The following MSANTD3 variants were observed in gnomAD, a reference collection of about 807,000 sequenced individuals.
MSANTD3 encodes myb/SANT-like DNA-binding domain-containing protein 3.
A neutral mutation model predicts 27.7 loss-of-function variants in MSANTD3; 11 were observed. That is an observed-to-expected ratio of 0.40 (90% CI 0.25 to 0.66). The LOEUF (loss-of-function observed/expected upper bound fraction) is 0.66, where lower values mean the gene tolerates loss of function less well. Among genes scored for constraint, MSANTD3 ranks in the 30% least tolerant of loss-of-function variants. The pLI is 0.41. For synonymous variants in MSANTD3, 131 were observed against 127.2 expected, an observed-to-expected ratio of 1.03 and a Z score of -0.20; for missense variants, 250 against 336.5, an observed-to-expected ratio of 0.74 and a Z score of 2.01.
chr9:100,429,251 G>A (rs1177977799), intron 1 of MSANTD3, among the ~76,000 whole-genome samples: 3 of 152,214 alleles, frequency 2.0e-5, no homozygotes, highest in African/African-American at 7.2e-5. Flanking sequence ...ACTTGGAAGA[G>A]CAATTGCTTT....
chr9:100,428,606 G>C (rs546706923), intron 1 of MSANTD3, among the ~76,000 whole-genome samples: 92 of 152,260 alleles, frequency 6.0e-4, no homozygotes, highest in African/African-American at 2.1e-3. Context: ...GCTGGGGCAG[G>C]GGGTGGGGAG....
intron 2 of MSANTD3, chr9:100,445,122 A>G (rs1836722752): frequency 8.4e-7 from 1 of 1,191,542 alleles, no homozygotes; most frequent in Non-Finnish European, 1.2e-6. Flanking sequence ...TACTCTTTCT[A>G]TACAGTAAAA....
chr9:100,436,234 T>G (rs1236102308), intron 1 of MSANTD3, among the ~76,000 whole-genome samples: 1 of 152,206 alleles, frequency 6.6e-6, no homozygotes, highest in African/African-American at 2.4e-5. Context: ...CTGTAGCCTC[T>G]AACTCCTTGG....
chr9:100,430,093 C>T lies in MSANTD3; in HGVS notation c.-34+2700C>T, dbSNP rs1268556091. On this transcript the variant is annotated intron_variant, in intron 1 of 2. Coordinates refer to ENST00000395067, the MANE Select transcript of MSANTD3 (RefSeq NM_080655.3). Reference sequence around the variant, plus strand: ...TGCCCTGCTAGTCTCTCCTCTCTCTCTCAAAAAAAAAAAAAAAAAAATCTA... The same window carrying T: ...TGCCCTGCTAGTCTCTCCTCTCTCTTTCAAAAAAAAAAAAAAAAAAATCTA... 3.7e-5 allele frequency among the ~76,000 whole-genome samples: 5 copies of T among 134,148 alleles called. No homozygotes were observed. The Admixed American group carries it at 3.8e-4, about 10-fold the overall frequency. The allele number at this position is 134,148 out of a possible 152,430, so 88.0% of individuals were successfully genotyped here. A position where few individuals can be genotyped will look rare whatever the true frequency, so the allele number is the denominator to read the frequency against.
intron 1 of MSANTD3, among the ~76,000 whole-genome samples, chr9:100,440,564 A>C (rs1042716620): frequency 5.3e-5 from 8 of 151,724 alleles, no homozygotes; most frequent in Admixed American, 2.0e-4. Context: ...CTCCAGGTAC[A>C]TGCCACAGAG....
chr9:100,427,561 A>G (rs1836274099), intron 1 of MSANTD3, 168 bp downstream of exon 1: 1 of 151,394 alleles, frequency 6.6e-6, no homozygotes, highest in African/African-American at 2.4e-5. Flanking sequence ...GCGCGCCGCG[A>G]TGGGACTCGG....
chr9:100,430,461 G>A (rs1836348231), intron 1 of MSANTD3, among the ~76,000 whole-genome samples: 2 of 152,132 alleles, frequency 1.3e-5, no homozygotes, highest in East Asian at 1.9e-4. Context: ...GGGGCTGGTG[G>A]GGGTGCTATA....
In MSANTD3 at chr9:100,434,857, C is replaced by T. The variant is rs76985447; in HGVS notation, c.-33-7049C>T. Among the ~76,000 whole-genome samples the T allele has an allele frequency of 5.4e-3, 829 of 152,218 alleles. 3 individuals are homozygous for T. Among genetic ancestry groups the T allele is most frequent in the Non-Finnish European group, 9.7e-3 (659 of 68,020 alleles). ...GAGGGTTCAGCCTGTCCTTGTATCTCCCACATACTCTAGAACAGTGCTGAG... is the reference window on the plus strand; with the variant it reads ...GAGGGTTCAGCCTGTCCTTGTATCTTCCACATACTCTAGAACAGTGCTGAG... On this transcript the variant is annotated intron_variant, in intron 1 of 2. Transcript: ENST00000395067.
chr9:100,446,656 A>G (rs1440703512), intron 2 of MSANTD3, among the ~76,000 whole-genome samples: 4 of 152,066 alleles, frequency 2.6e-5, no homozygotes, highest in African/African-American at 7.2e-5. Context: ...CAAAACTCCT[A>G]TCTTTACTAA....
At chr9:100,450,065 A>G (rs1445203676) in intron 2 of MSANTD3, among the ~76,000 whole-genome samples, 1 of 152,178 alleles carries the variant, frequency 6.6e-6, no homozygotes, top group Non-Finnish European at 1.5e-5. Context: ...TCTCCAGGGT[A>G]AGGGCTAACA....
Position 100,445,111 on chromosome 9 carries a change from G to T in MSANTD3, c.418+2755G>T, listed in dbSNP as rs1481204577. ...GTTAATACTAGTAGGTAGGGTACTG[G>T]TACTCTTTCTATACAGTAAAACAAC... On this transcript the variant is annotated intron_variant, in intron 2 of 2. Coordinates refer to ENST00000395067, the MANE Select transcript of MSANTD3 (RefSeq NM_080655.3). 1.5e-5 allele frequency: 15 copies of T among 1,014,764 alleles called. No individual in the cohort carries two copies. The East Asian group carries it at 3.1e-4, about 21-fold the overall frequency. The allele number at this position is 1,014,764 out of a possible 1,614,324, so 62.9% of individuals were successfully genotyped here.
intron 1 of MSANTD3, among the ~76,000 whole-genome samples, chr9:100,429,271 G>C (rs1217068944): frequency 6.6e-6 from 1 of 152,232 alleles, no homozygotes; most frequent in African/African-American, 2.4e-5. Context: ...TGGAGAGATA[G>C]ACAGTTTGGG....
chr9:100,448,499 GTTACCCACACAGAGCACTGTTCC>G, intron 2 of MSANTD3: 1 of 985,342 alleles, frequency 1.0e-6, no homozygotes, highest in Non-Finnish European at 1.2e-6. Flanking sequence ...CTGTGCCTTG[GTTACCCACACAGAGCACTGTTCC>G]TTCTCCATGG....
chr9:100,441,774 T>G, intron 1 of MSANTD3, 132 bp from the exon 2 acceptor site: 1 of 1,058,056 alleles, frequency 9.5e-7, no homozygotes, highest in Non-Finnish European at 1.3e-6. Flanking sequence ...CTGAATATCA[T>G]AATTCAACCT....
At position 100,450,820 on chromosome 9, in the gene MSANTD3, C is replaced by T. The variant is rs778686576; in HGVS notation, c.682C>T (p.Arg228Ter). The change falls in exon 3 of 3, where the codon CGA becomes TGA. Residue 228 changes from arginine (R) to a stop codon, truncating the protein, a stop_gained. Transcript: ENST00000395067. LOFTEE classifies it high-confidence loss of function. Reference protein sequence around the residue: ...VHVAKIQQIERECEMAEEEHR... With the variant: ...VHVAKIQQIE ...TGTGGCCAAAATCCAGCAGATAGAG[C>T]GAGAGTGTGAGATGGCAGAGGAGGA... The T allele has an allele frequency of 6.2e-7, 1 of 1,614,012 alleles. No homozygotes were observed. The highest frequency in any genetic ancestry group is 8.5e-7 in the Non-Finnish European group (1 of 1,179,996).
At chr9:100,432,506 G>T (rs1307920936) in intron 1 of MSANTD3, among the ~76,000 whole-genome samples, 3 of 152,162 alleles carry the variant, frequency 2.0e-5, no homozygotes, top group African/African-American at 7.2e-5. Context: ...TGTAAGAGGA[G>T]AAATTTAAAA....
chr9:100,438,670 T>A (rs1449466388), intron 1 of MSANTD3, among the ~76,000 whole-genome samples: 1 of 152,202 alleles, frequency 6.6e-6, no homozygotes, highest in East Asian at 1.9e-4. Flanking sequence ...AGTGTACCTA[T>A]TGATTTCCTA....
intron 2 of MSANTD3, 103 bp from the exon 3 acceptor site, chr9:100,450,454 T>C: frequency 9.4e-7 from 1 of 1,065,968 alleles, no homozygotes; most frequent in Non-Finnish European, 1.3e-6. Context: ...TGATTTTAGA[T>C]ACATCCTGTA....
intron 1 of MSANTD3, among the ~76,000 whole-genome samples, chr9:100,440,592 T>A (rs538564725): frequency 0.041 from 3,758 of 90,758 alleles, 132 homozygotes; most frequent in African/African-American, 0.14. Flanking sequence ...AACGTCAAAT[T>A]TTTTTTTTTT....
Sources: allele counts gnomAD v4.1 joint callset (sites outside exome capture counted in the v4.1 genomes callset), GRCh38; gene constraint gnomAD v4.1.1; transcripts MANE v1.5; gene names NCBI Gene and HGNC (gene_info 2026-07-23, HGNC 2026-07-21).